QTRT2: variants seen among roughly 807,000 people sequenced by gnomAD.
QTRT2 encodes queuine tRNA-ribosyltransferase domain containing 1.
Under a neutral mutation model 44.8 loss-of-function variants are expected in QTRT2, and 32 were observed. That is an observed-to-expected ratio of 0.71 (90% confidence interval 0.54 to 0.96). The LOEUF (loss-of-function observed/expected upper bound fraction) is 0.96. QTRT2 is among the 40% of genes least tolerant of loss of function. The pLI is 0.00. For missense variants in QTRT2, 461 were observed against 503.1 expected, an observed-to-expected ratio of 0.92 and a Z score of 0.80; for synonymous variants, 182 against 187.4, an observed-to-expected ratio of 0.97 and a Z score of 0.24.
chr3:114,083,526 T>G (rs2077195339), intron 9 of QTRT2, among the ~76,000 whole-genome samples: 1 of 152,204 alleles, frequency 6.6e-6, no homozygotes, highest in South Asian at 2.1e-4. Context: ...TCTTGTAATT[T>G]TTGTATTTGT....
At chr3:114,073,671 G>C (rs1236406119) in intron 6 of QTRT2, among the ~76,000 whole-genome samples, 1 of 152,002 alleles carries the variant, frequency 6.6e-6, no homozygotes, top group Non-Finnish European at 1.5e-5. Context: ...GAGTCACCGC[G>C]CCCGGCCTTA....
At position 114,076,873 on chromosome 3, in the gene QTRT2, C is replaced by T; in HGVS notation, c.677C>T (p.Pro226Leu). 6.2e-7 allele frequency: 1 copy of T among 1,614,160 alleles called. No homozygotes were observed. Reference sequence around the variant, plus strand: ...CTTCTGGATGGTTTTCAAGGAAATCCAACAACCCTGGAGGCTAGACTACGC... The same window carrying T: ...CTTCTGGATGGTTTTCAAGGAAATCTAACAACCCTGGAGGCTAGACTACGC... ...GFLLDGFQGNPTTLEARLRLL... is the reference protein window; with the variant it reads ...GFLLDGFQGNLTTLEARLRLL... Residue 226 changes from proline to leucine, a missense_variant, in exon 7 of 10, where the codon CCA becomes CTA. Coordinates refer to ENST00000281273, the MANE Select transcript of QTRT2 (RefSeq NM_024638.4).
chr3:114,076,948 T>C lies in QTRT2; in HGVS notation c.746+6T>C. On this transcript the variant is annotated splice_donor_region_variant and intron_variant, in intron 7 of 9. Coordinates refer to ENST00000281273, the MANE Select transcript of QTRT2 (RefSeq NM_024638.4). ...CTGCCGGAGGACAAGCCAAGGCCAG[T>C]GTTCGGTTAGGACACAGGCTGGCCT... is the stretch of plus-strand genomic sequence containing the variant. 1.9e-6 allele frequency: 3 copies of C among 1,613,728 alleles called. No individual in the cohort carries two copies. The highest frequency in any genetic ancestry group is 2.5e-6 in the Non-Finnish European group (3 of 1,179,822).
intron 5 of QTRT2, among the ~76,000 whole-genome samples, chr3:114,070,381 G>C (rs2077008672): frequency 6.6e-6 from 1 of 152,072 alleles, no homozygotes. Context: ...AGGTGGGATA[G>C]GGGAGAGCAG....
chr3:114,056,807 G>T lies in QTRT2; in HGVS notation c.-187G>T, dbSNP rs1161044545. 1 of 1,533,422 alleles carries T rather than the reference G, an allele frequency of 6.5e-7. No homozygotes were observed. 95.0% of individuals were successfully genotyped at this position (1,533,422 alleles called of 1,614,324 possible). A position where few individuals can be genotyped will look rare whatever the true frequency, so the allele number is the denominator to read the frequency against. ...AGAGAATTTTGCAACACGTGGTAGT[G>T]AACTGTGAGGAGTTTGAGGGGTCTG... On this transcript the variant is annotated 5_prime_UTR_variant, in exon 1 of 10. Coordinates refer to ENST00000281273, the MANE Select transcript of QTRT2 (RefSeq NM_024638.4).
chr3:114,085,839 C>G lies in QTRT2; in HGVS notation c.1183C>G (p.Arg395Gly). The G allele has an allele frequency of 1.2e-6, 2 of 1,614,106 alleles. No individual in the cohort carries two copies. Among genetic ancestry groups the G allele is most frequent in the Non-Finnish European group, 1.7e-6 (2 of 1,180,030 alleles). ...EHYFGFFHYI[R>G]EALKSDKLAQ... is the part of the protein sequence containing the mutation. ...CTACTTTGGGTTTTTCCATTACATC[C>G]GGGAAGCACTAAAAAGTGACAAACT... Residue 395 changes from arginine to glycine, a missense_variant, in exon 10 of 10, where the codon CGG becomes GGG. Physicochemically the swap from Arg to Gly is moderately radical, Grantham distance 125 (BLOSUM62 -2). Coordinates refer to ENST00000281273, the MANE Select transcript of QTRT2 (RefSeq NM_024638.4).
In QTRT2 at chr3:114,085,713, T is replaced by C; in HGVS notation, c.1057T>C (p.Cys353Arg). 1 of 1,614,214 alleles carries C rather than the reference T, an allele frequency of 6.2e-7. No homozygotes were observed. The highest frequency in any genetic ancestry group is 2.2e-5 in the East Asian group (1 of 44,888). ...DFNPLVRGCS[C>R]YCCKNHTRAY... The stretch of plus-strand genomic sequence containing the variant: ...TAACCCGCTGGTGAGAGGATGTTCC[T>C]GTTACTGCTGTAAGAATCACACTCG... The change falls in exon 10 of 10, where the codon TGT becomes CGT. Residue 353 changes from cysteine to arginine, a missense_variant. Physicochemically the swap from Cys to Arg is radical, Grantham distance 180 (BLOSUM62 -3). Coordinates refer to ENST00000281273, the MANE Select transcript of QTRT2 (RefSeq NM_024638.4).
chr3:114,056,821 T>C lies in QTRT2; in HGVS notation c.-173T>C. On this transcript the variant is annotated 5_prime_UTR_variant, in exon 1 of 10. Transcript: ENST00000281273. ...CACGTGGTAGTGAACTGTGAGGAGT[T>C]TGAGGGGTCTGAAGACTGAAAGAGT... The C allele has an allele frequency of 1.3e-6, 2 of 1,535,140 alleles. No homozygotes were observed. The highest frequency in any genetic ancestry group is 1.7e-6 in the Non-Finnish European group (2 of 1,146,404).
intron 6 of QTRT2, among the ~76,000 whole-genome samples, chr3:114,074,937 A>G (rs2077069500): frequency 6.6e-6 from 1 of 152,188 alleles, no homozygotes; most frequent in Non-Finnish European, 1.5e-5. Flanking sequence ...ATATATTATG[A>G]TCTACGTAAG....
chr3:114,066,721 A>G (rs1048200381), intron 4 of QTRT2, among the ~76,000 whole-genome samples: 8 of 152,176 alleles, frequency 5.3e-5, no homozygotes, highest in Non-Finnish European at 1.0e-4. Flanking sequence ...AAGGAAGAGT[A>G]AAAGTTACCC....
intron 4 of QTRT2, among the ~76,000 whole-genome samples, chr3:114,067,555 C>A (rs555442825): frequency 6.6e-6 from 1 of 152,176 alleles, no homozygotes; most frequent in Non-Finnish European, 1.5e-5. Context: ...CCCTAGGGAC[C>A]CATGATATTA....
rs189629108 is a variant in QTRT2 at position 114,079,949 on chromosome 3, A to C, written c.790A>C (p.Ile264Leu). 32 of 1,613,790 alleles carry C rather than the reference A, an allele frequency of 2.0e-5. No individual in the cohort carries two copies. The highest frequency in any genetic ancestry group is 2.5e-5 in the Non-Finnish European group (30 of 1,179,876). The change falls in exon 8 of 10, where the codon ATT becomes CTT. Residue 264 changes from isoleucine to leucine, a missense_variant. By Grantham distance (5) the Ile-to-Leu change is conservative (BLOSUM62 2). Transcript: ENST00000281273. ...VSRPDEVLEC[I>L]ERGVDLFESF... ...TCGGCCAGATGAGGTGCTCGAGTGT[A>C]TTGAAAGAGGAGTGGACTTATTTGA... is the stretch of plus-strand genomic sequence containing the variant.
intron 9 of QTRT2, among the ~76,000 whole-genome samples, 164 bp from the exon 10 acceptor site, chr3:114,085,509 T>G (rs1434591868): frequency 6.6e-6 from 1 of 152,212 alleles, no homozygotes; most frequent in Non-Finnish European, 1.5e-5. Flanking sequence ...CCCGGCCCTT[T>G]GTTAACTTTT....
Position 114,065,337 on chromosome 3 carries a change from C to G in QTRT2, c.80C>G (p.Thr27Ser), listed in dbSNP as rs201884922. 344 of 1,614,086 alleles carry G rather than the reference C, an allele frequency of 2.1e-4. 2 individuals are homozygous for G. The East Asian group carries it at 7.6e-3, about 36-fold the overall frequency. The change falls in exon 3 of 10, where the codon ACC (threonine) becomes AGC (serine). Residue 27 changes from threonine (T) to serine (S), a missense_variant. Thr to Ser is a moderately conservative substitution (Grantham distance 58, BLOSUM62 1). Transcript: ENST00000281273. ...AACCTGGGCAAAACAGGGGACCACA[C>G]CATGGATATTCCAGGCTGCCTTCTG... ...IKNLGKTGDH[T>S]MDIPGCLLYT...
In QTRT2 at chr3:114,085,765, C is replaced by G; in HGVS notation, c.1109C>G (p.Thr370Ser). The change falls in exon 10 of 10, where the codon ACC (threonine) becomes AGC (serine). Residue 370 changes from threonine (T) to serine (S), a missense_variant. By Grantham distance (58) the Thr-to-Ser change is moderately conservative (BLOSUM62 1). Transcript: ENST00000281273. The stretch of plus-strand genomic sequence containing the variant: ...GCATACATCCACCATCTGCTGGTGA[C>G]CAATGAGCTGCTGGCCGGAGTCCTG... ...TRAYIHHLLV[T>S]NELLAGVLLM... 1 of 1,614,192 alleles carries G rather than the reference C, an allele frequency of 6.2e-7. No homozygotes were observed. The highest frequency in any genetic ancestry group is 8.5e-7 in the Non-Finnish European group (1 of 1,180,026).
intron 6 of QTRT2, 123 bp downstream of exon 6, chr3:114,070,961 C>G (rs2077017967): frequency 1.4e-6 from 1 of 707,208 alleles, no homozygotes; most frequent in Non-Finnish European, 2.3e-6. Flanking sequence ...CTATTTTACT[C>G]TCTATTTTTA....
At chr3:114,079,791 A>G (rs1010173410) in intron 7 of QTRT2, 115 bp from the exon 8 acceptor site, 4 of 976,660 alleles carry the variant, frequency 4.1e-6, no homozygotes, top group African/African-American at 1.6e-5. Flanking sequence ...CACTCTAACC[A>G]TGATTGGTGT....
intron 7 of QTRT2, 153 bp from the exon 8 acceptor site, chr3:114,079,753 C>G: frequency 1.7e-6 from 1 of 602,892 alleles, no homozygotes; most frequent in Non-Finnish European, 2.9e-6. Context: ...TATGTTCTTT[C>G]TGCTGCATGT....
rs1206873059 is a variant in QTRT2, at chr3:114,062,268, C to G, written c.-21-2969C>G. Among the ~76,000 whole-genome samples, 24 of 146,568 alleles carry G rather than the reference C, an allele frequency of 1.6e-4. No homozygotes were observed. The Admixed American group carries it at 1.7e-3, about 10-fold the overall frequency. ...CCTGTGGTCTCAGCTACTTAGGAGG[C>G]TGAGGTGGGAAGGTTACTTGAGCCT... On this transcript the variant is annotated intron_variant, in intron 2 of 9. Transcript: ENST00000281273.
Sources: allele counts gnomAD v4.1 joint callset (sites outside exome capture counted in the v4.1 genomes callset), GRCh38; gene constraint gnomAD v4.1.1; transcripts MANE v1.5; gene names NCBI Gene and HGNC (gene_info 2026-07-23, HGNC 2026-07-21).